Variants in GPR89A observed in about 807,000 individuals in gnomAD.
GPR89A encodes G protein-coupled receptor 89A.
Under a neutral mutation model 52.0 loss-of-function variants are expected in GPR89A, and 16 were observed. The ratio of observed to expected loss-of-function variants is 0.31; its 90% CI spans 0.21 to 0.47. The LOEUF is 0.47. GPR89A is among the 20% of genes least tolerant of loss of function. The pLI is 1.00. For synonymous variants in GPR89A, 55 were observed against 150.9 expected (o/e 0.36, Z 4.66); for missense variants, 135 against 449.4 (o/e 0.30, Z 6.33).
intron 7 of GPR89A, among the ~76,000 whole-genome samples, chr1:145,632,795 C>G (rs1247442478): frequency 5.9e-5 from 9 of 152,012 alleles, no homozygotes; most frequent in African/African-American, 1.5e-4. Context: ...TATGGCAATT[C>G]CATTTTCAGT....
chr1:145,623,155 G>A lies in GPR89A; in HGVS notation c.308G>A (p.Arg103Gln), dbSNP rs587615888. ...YIGYFIVSNIRLLHKQRLLFS... is the reference protein window; with the variant it reads ...YIGYFIVSNIQLLHKQRLLFS... The stretch of plus-strand genomic sequence containing the variant: ...GGCTATTTTATTGTGAGCAATATCC[G>A]ACTACGTAAGTATTTTACCCTCTCA... Residue 103 changes from arginine to glutamine, a missense_variant, in exon 4 of 14, where the codon CGA becomes CAA. This residue lies in a region of GPR89A where 15 missense variants were observed against 41.0 expected (regional missense o/e 0.37). Coordinates refer to ENST00000313835, the MANE Select transcript of GPR89A (RefSeq NM_001097612.2). 54 of 1,613,058 alleles carry A rather than the reference G, an allele frequency of 3.3e-5. No individual in the cohort carries two copies. Among genetic ancestry groups the A allele is most frequent in the Admixed American group, 1.3e-4 (8 of 59,980 alleles).
intron 10 of GPR89A, among the ~76,000 whole-genome samples, chr1:145,662,145 G>T (rs1652244735): frequency 6.6e-6 from 1 of 152,142 alleles, no homozygotes; most frequent in South Asian, 2.1e-4. Context: ...CAAATTGATT[G>T]ATAGTATTAT....
intron 7 of GPR89A, among the ~76,000 whole-genome samples, chr1:145,634,603 CTG>C (rs1196841665): frequency 6.6e-6 from 1 of 150,390 alleles, no homozygotes; most frequent in Non-Finnish European, 1.5e-5. Flanking sequence ...TGAAATCAGA[CTG>C]TGTATGAATT....
chr1:145,613,775 G>A (rs1328279934), intron 1 of GPR89A, among the ~76,000 whole-genome samples: 1 of 150,678 alleles, frequency 6.6e-6, no homozygotes, highest in Non-Finnish European at 1.5e-5. Flanking sequence ...TACCCTACCT[G>A]ATTCGTTTTT....
At chr1:145,659,794 T>G (rs1344101729) in intron 10 of GPR89A, among the ~76,000 whole-genome samples, 1 of 130,770 alleles carries the variant, frequency 7.6e-6, no homozygotes, top group Admixed American at 8.2e-5. Flanking sequence ...AGTAGTTTTT[T>G]CCAATTCTGT....
chr1:145,629,580 G>A (rs1267066830), intron 5 of GPR89A, among the ~76,000 whole-genome samples: 1 of 152,152 alleles, frequency 6.6e-6, no homozygotes, highest in Admixed American at 6.6e-5. Context: ...AAATCAGTAC[G>A]CATTCTAGCA....
chr1:145,632,069 A>G (rs1239587748), intron 7 of GPR89A, among the ~76,000 whole-genome samples: 4 of 138,444 alleles, frequency 2.9e-5, no homozygotes, highest in African/African-American at 5.4e-5. Flanking sequence ...AGAAAATTCA[A>G]TCTCATTTCT....
At position 145,643,151 on chromosome 1, in the gene GPR89A, T is replaced by G. The variant is rs868955938; in HGVS notation, c.618-718T>G. On this transcript the variant is annotated intron_variant, in intron 7 of 13. Transcript: ENST00000313835. ...TCCTTTAGTTAGGTATGTTAGCTGGTTTTTTTTGTTTGTTTGTTTTTGTTT... is the reference window on the plus strand; with the variant it reads ...TCCTTTAGTTAGGTATGTTAGCTGGGTTTTTTTGTTTGTTTGTTTTTGTTT... Among the ~76,000 whole-genome samples, 113 of 150,530 alleles carry G rather than the reference T, an allele frequency of 7.5e-4. 1 individual carries two copies. The highest frequency in any genetic ancestry group is 1.2e-3 in the Admixed American group (18 of 15,054).
Position 145,636,670 on chromosome 1 carries a change from C to T in GPR89A, c.617+4926C>T, listed in dbSNP as rs182408472. Among the ~76,000 whole-genome samples the T allele has an allele frequency of 2.2e-4, 34 of 152,206 alleles. 1 individual carries two copies. In the East Asian group the frequency reaches 3.7e-3, roughly 16 times the overall value. On this transcript the variant is annotated intron_variant, in intron 7 of 13. Transcript: ENST00000313835. ...CCACAGCCATTCTCAATAGAGGAAA[C>T]TTCCAGAAATGACAGTGGAAAGAAT... is the stretch of plus-strand genomic sequence containing the variant.
At position 145,608,056 on chromosome 1, in the gene GPR89A, T is replaced by G. The variant is rs1264386503; in HGVS notation, c.-78T>G. 7.1e-6 allele frequency: 11 copies of G among 1,557,744 alleles called. No individual in the cohort carries two copies. Among genetic ancestry groups the G allele is most frequent in the Non-Finnish European group, 9.7e-6 (11 of 1,132,406 alleles). On this transcript the variant is annotated 5_prime_UTR_variant, in exon 1 of 14. An upstream open reading frame in the 5' UTR loses its in-frame stop. Coordinates refer to ENST00000313835, the MANE Select transcript of GPR89A (RefSeq NM_001097612.2). ...AGCACCTGGGAGAAGGCAGACCGTG[T>G]GAGGGGGCCTGTGGCCCCAGCGTGC...
At chr1:145,642,889 T>A (rs1232900498) in intron 7 of GPR89A, among the ~76,000 whole-genome samples, 2 of 151,988 alleles carry the variant, frequency 1.3e-5, no homozygotes, top group Non-Finnish European at 2.9e-5. Context: ...AGCTGGGACA[T>A]GCCAGCAGCT....
intron 1 of GPR89A, 50 bp downstream of exon 1, chr1:145,608,225 T>C: frequency 1.2e-6 from 2 of 1,612,140 alleles, no homozygotes; most frequent in Non-Finnish European, 1.7e-6. Flanking sequence ...CTTTACCGAA[T>C]CGCCCTCTCC....
At chr1:145,632,244 G>A (rs1553689996) in intron 7 of GPR89A, among the ~76,000 whole-genome samples, 1 of 151,736 alleles carries the variant, frequency 6.6e-6, no homozygotes, top group African/African-American at 2.4e-5. Flanking sequence ...ATTTTTTTGT[G>A]GTGAAAACAT....
rs185919864 is a variant in GPR89A, at chr1:145,650,070, C to T, written c.909+2803C>T. Among the ~76,000 whole-genome samples, 14 of 151,814 alleles carry T rather than the reference C, an allele frequency of 9.2e-5. 1 individual carries two copies. The East Asian group carries it at 2.7e-3, about 29-fold the overall frequency. On this transcript the variant is annotated intron_variant, in intron 10 of 13. Coordinates refer to ENST00000313835, the MANE Select transcript of GPR89A (RefSeq NM_001097612.2). ...TATGTGCCATGGTGATTTGCTGCAT[C>T]TATCAACCCATCACCTAGGTATTAA...
At chr1:145,640,077 G>A (rs1357054325) in intron 7 of GPR89A, among the ~76,000 whole-genome samples, 9 of 151,792 alleles carry the variant, frequency 5.9e-5, no homozygotes, top group Non-Finnish European at 8.8e-5. Context: ...AAATTAGCCC[G>A]GTGTGGTGGC....
In GPR89A at chr1:145,626,515, A is replaced by T. The variant is rs587609804; in HGVS notation, c.415+2801A>T. Among the ~76,000 whole-genome samples, 27 of 152,220 alleles carry T rather than the reference A, an allele frequency of 1.8e-4. No individual in the cohort carries two copies. In the South Asian group the frequency reaches 4.8e-3, roughly 27 times the overall value. ...TTATGCCTGAATGTTCAGGTATCTT[A>T]ATTTATTTAACCCTTTAAGATAAGT... On this transcript the variant is annotated intron_variant, in intron 5 of 13. Transcript: ENST00000313835.
intron 7 of GPR89A, among the ~76,000 whole-genome samples, chr1:145,642,689 A>G (rs1185834873): frequency 7.9e-5 from 12 of 151,844 alleles, no homozygotes; most frequent in Non-Finnish European, 1.6e-4. Context: ...CACCATTTTT[A>G]TCTTTTGCCT....
At position 145,663,364 on chromosome 1, in the gene GPR89A, A is replaced by G. The variant is rs1553695939; in HGVS notation, c.945A>G (p.Lys315=). 2 of 1,610,870 alleles carry G rather than the reference A, an allele frequency of 1.2e-6. No homozygotes were observed. The highest frequency in any genetic ancestry group is 2.7e-5 in the African/African-American group (2 of 74,806). ...TINIVFDRVG[K]TDPVTRGIEI... Reference sequence around the variant, plus strand: ...ATATTGTTTTTGATCGAGTTGGGAAAACGGATCCTGTCACAAGAGGCATTG... The same window carrying G: ...ATATTGTTTTTGATCGAGTTGGGAAGACGGATCCTGTCACAAGAGGCATTG... The change falls in exon 11 of 14, where the codon AAA becomes AAG. Residue 315 remains lysine, a synonymous_variant. Transcript: ENST00000313835.
intron 7 of GPR89A, among the ~76,000 whole-genome samples, chr1:145,637,597 C>T (rs587599268): frequency 0.039 from 5,788 of 149,674 alleles, 310 homozygotes; most frequent in African/African-American, 0.13. Context: ...AGAAACAAGA[C>T]GATGTGACCA....
Sources: gnomAD v4.1 joint callset for allele counts (sites outside exome capture counted in the v4.1 genomes callset) on GRCh38, gnomAD v4.1.1 for gene constraint, gnomAD v4.1.1 regional missense constraint, MANE v1.5 for transcripts, NCBI Gene and HGNC (gene_info 2026-07-23, HGNC 2026-07-21) for gene names.